The following GREM2 variants were observed in gnomAD, a reference collection of about 807,000 sequenced individuals.
The protein encoded by GREM2 is gremlin-2.
In GREM2, 11 loss-of-function variants were observed where a neutral mutation model predicts 14.2. That is an observed-to-expected ratio of 0.78 (90% CI 0.49 to 1.28). GREM2 has a LOEUF of 1.28. Ranked by LOEUF, GREM2 falls within the 50% of genes most tolerant of loss-of-function variation. The pLI is 0.00. For missense variants in GREM2, 210 were observed against 218.5 expected (o/e 0.96, Z 0.24); for synonymous variants, 98 against 97.6 (o/e 1.00, Z -0.02).
chr1:240,561,229 C>A (rs948356469), intron 1 of GREM2, among the ~76,000 whole-genome samples: 2 of 151,434 alleles, frequency 1.3e-5, no homozygotes. Flanking sequence ...TCTTGCATAC[C>A]CCATAGTGTT....
intron 1 of GREM2, among the ~76,000 whole-genome samples, chr1:240,503,107 G>A (rs985248575): frequency 3.9e-5 from 6 of 152,168 alleles, no homozygotes; most frequent in African/African-American, 1.2e-4. Flanking sequence ...GCAGTATAGA[G>A]CACAAAATGG....
intron 1 of GREM2, among the ~76,000 whole-genome samples, chr1:240,583,605 ATC>A (rs1303294489): frequency 1.2e-4 from 17 of 146,922 alleles, no homozygotes; most frequent in South Asian, 2.1e-4. Flanking sequence ...ACTCATCTCT[ATC>A]TTTTTTTTTT....
chr1:240,596,156 G>A (rs1679815578), intron 1 of GREM2, among the ~76,000 whole-genome samples: 1 of 152,126 alleles, frequency 6.6e-6, no homozygotes, highest in African/African-American at 2.4e-5. Flanking sequence ...ATTGCATCAT[G>A]AACATTCTTG....
At chr1:240,600,645 G>A (rs574644623) in intron 1 of GREM2, among the ~76,000 whole-genome samples, 2 of 152,060 alleles carry the variant, frequency 1.3e-5, no homozygotes, top group Admixed American at 6.6e-5. Flanking sequence ...CACCGCACAC[G>A]GCTAAGATTT....
chr1:240,531,000 A>G (rs547978346), intron 1 of GREM2: 1 of 152,362 alleles, frequency 6.6e-6, no homozygotes, highest in Admixed American at 6.5e-5. Context: ...AAATGATGAC[A>G]GACATTTAGA....
rs549289045 is a variant in GREM2 at position 240,556,932 on chromosome 1, G to A, written c.-2+54952C>T. Among the ~76,000 whole-genome samples the A allele has an allele frequency of 2.0e-5, 3 of 152,276 alleles. No homozygotes were observed. In the South Asian group the frequency reaches 6.2e-4, roughly 32 times the overall value. On this transcript the variant is annotated intron_variant, in intron 1 of 1. Coordinates refer to ENST00000318160, the MANE Select transcript of GREM2 (RefSeq NM_022469.4). The stretch of plus-strand genomic sequence containing the variant: ...AGGCTGTAATCCTAGCACTTTGGGA[G>A]GCCAAGGTGGGTGGATTGCCTGAGC...
Position 240,492,310 on chromosome 1 carries a change from T to C in GREM2, c.*659A>G, listed in dbSNP as rs1315938054. 1.5e-5 allele frequency: 6 copies of C among 406,588 alleles called. No homozygotes were observed. The highest frequency in any genetic ancestry group is 2.5e-5 in the Non-Finnish European group (5 of 197,880). 25.2% of individuals were successfully genotyped at this position (406,588 alleles called of 1,614,324 possible). A position where few individuals can be genotyped will look rare whatever the true frequency, so the allele number is the denominator to read the frequency against. ...GTGGGGACTTGAGGATGGGGGATTG[T>C]GTAGCCTGCTCTGCTCGAGGTTTCC... On this transcript the variant is annotated 3_prime_UTR_variant, in exon 2 of 2. Transcript: ENST00000318160.
chr1:240,592,096 T>C (rs1046032913), intron 1 of GREM2, among the ~76,000 whole-genome samples: 7 of 152,164 alleles, frequency 4.6e-5, no homozygotes, highest in South Asian at 2.1e-4. Context: ...ATCTTGGCAT[T>C]GGAACCAAAA....
chr1:240,571,948 G>C (rs1679270624), intron 1 of GREM2, among the ~76,000 whole-genome samples: 1 of 152,104 alleles, frequency 6.6e-6, no homozygotes, highest in Non-Finnish European at 1.5e-5. Flanking sequence ...GAGACATTCT[G>C]ACTGCCAGGA....
chr1:240,530,642 A>G (rs1369022124), intron 1 of GREM2: 1 of 152,230 alleles, frequency 6.6e-6, no homozygotes, highest in East Asian at 1.9e-4. Flanking sequence ...ACTCTAAACT[A>G]GGACCATCGC....
intron 1 of GREM2, among the ~76,000 whole-genome samples, chr1:240,609,601 T>C (rs1442848717): frequency 6.6e-6 from 1 of 152,138 alleles, no homozygotes; most frequent in Non-Finnish European, 1.5e-5. Flanking sequence ...AATAATTCTT[T>C]TTTGTCCGTA....
chr1:240,520,656 C>T (rs1678063968), intron 1 of GREM2, among the ~76,000 whole-genome samples: 2 of 151,922 alleles, frequency 1.3e-5, no homozygotes, highest in African/African-American at 4.8e-5. Context: ...AATTCTCCTG[C>T]CTCAGCCTCC....
At chr1:240,610,678 AATGGTTTGGAT>A (rs1294130400) in intron 1 of GREM2, among the ~76,000 whole-genome samples, 1 of 152,218 alleles carries the variant, frequency 6.6e-6, no homozygotes, top group East Asian at 1.9e-4. Context: ...ATTATCAGTG[AATGGTTTGGAT>A]ATGATCGACT....
Position 240,542,698 on chromosome 1 carries a change from T to C in GREM2, c.-1-49222A>G, listed in dbSNP as rs959937414. ...GAAGGCTTGATCACACTTTGGATTTTTTTTTCACTCAGTTTTGACAGAATT... is the reference window on the plus strand; with the variant it reads ...GAAGGCTTGATCACACTTTGGATTTCTTTTTCACTCAGTTTTGACAGAATT... On this transcript the variant is annotated intron_variant, in intron 1 of 1. Coordinates refer to ENST00000318160, the MANE Select transcript of GREM2 (RefSeq NM_022469.4). This position sits in a 1 kb window ranked among gnomAD's most constrained non-coding sequence, Gnocchi z 4.1. 6.6e-5 allele frequency among the ~76,000 whole-genome samples: 10 copies of C among 152,156 alleles called. No homozygotes were observed. Among genetic ancestry groups the C allele is most frequent in the Non-Finnish European group, 1.0e-4 (7 of 68,034 alleles).
chr1:240,554,927 T>G (rs1376011787), intron 1 of GREM2, among the ~76,000 whole-genome samples: 1 of 152,142 alleles, frequency 6.6e-6, no homozygotes, highest in Non-Finnish European at 1.5e-5. Context: ...GAGGATCACC[T>G]GAGCTTAGGA....
intron 1 of GREM2, among the ~76,000 whole-genome samples, chr1:240,547,296 C>A (rs532887993): frequency 6.6e-6 from 1 of 151,634 alleles, no homozygotes; most frequent in South Asian, 2.1e-4. Flanking sequence ...GGCAGGAGAT[C>A]AAGACCATCC....
intron 1 of GREM2, among the ~76,000 whole-genome samples, chr1:240,567,750 G>A (rs538136645): frequency 6.6e-6 from 1 of 152,278 alleles, no homozygotes; most frequent in East Asian, 1.9e-4. Context: ...TAACAAGTGA[G>A]TAAATATAGA....
At chr1:240,526,453 G>A (rs182679548) in intron 1 of GREM2, among the ~76,000 whole-genome samples, 19 of 152,180 alleles carry the variant, frequency 1.2e-4, no homozygotes, top group East Asian at 7.7e-4. Flanking sequence ...ACACTAATCC[G>A]GCAAGCATTT....
At chr1:240,531,746 T>A in intron 1 of GREM2, 12 of 922,408 alleles carry the variant, frequency 1.3e-5, no homozygotes, top group Non-Finnish European at 1.4e-5. Flanking sequence ...TTTGCTCTTG[T>A]TGCCCAGACT....
Sources: allele counts gnomAD v4.1 joint callset (sites outside exome capture counted in the v4.1 genomes callset), GRCh38; gene constraint gnomAD v4.1.1; non-coding constraint Gnocchi (gnomAD v3.1); transcripts MANE v1.5; gene names NCBI Gene and HGNC (gene_info 2026-07-23, HGNC 2026-07-21).